Variants in DCAF8L2 observed in about 807,000 individuals in gnomAD.
DCAF8L2 encodes DDB1- and CUL4-associated factor 8-like protein 2.
For missense variants in DCAF8L2, 430 were observed against 490.7 expected (o/e 0.88, Z 1.17); for synonymous variants, 200 against 190.9 (o/e 1.05, Z -0.39).
intron 3 of DCAF8L2, among the ~76,000 whole-genome samples, chrX:27,699,341 A>T (rs977700311): frequency 3.6e-5 from 4 of 112,091 alleles, no homozygotes; most frequent in African/African-American, 1.3e-4. Flanking sequence ...TTCGAAGTAT[A>T]ACAGTGATAT....
the DCAF8L2 span, among the ~76,000 whole-genome samples, chrX:27,531,783 T>C: frequency 9.0e-6 from 1 of 111,036 alleles, no homozygotes; most frequent in African/African-American, 3.3e-5. Context: ...ATAAAAAGTG[T>C]ACAAGCCATA....
At chrX:27,520,362 G>T in the DCAF8L2 span, among the ~76,000 whole-genome samples, 3 of 111,483 alleles carry the variant, frequency 2.7e-5, no homozygotes, top group African/African-American at 9.8e-5. Context: ...AGAGCTAAAT[G>T]ATTTCTGTCA....
At chrX:27,476,223 A>G in the DCAF8L2 span, among the ~76,000 whole-genome samples, 2 of 110,370 alleles carry the variant, frequency 1.8e-5, no homozygotes, top group South Asian at 4.0e-4. Flanking sequence ...GCAGTATCCT[A>G]TGGGCACTGT....
intron 1 of DCAF8L2, among the ~76,000 whole-genome samples, chrX:27,598,305 G>A (rs1926452881): frequency 8.9e-6 from 1 of 112,160 alleles, no homozygotes; most frequent in Non-Finnish European, 1.9e-5. Context: ...TATAATGGTC[G>A]AAAAATTTAT....
intron 3 of DCAF8L2, among the ~76,000 whole-genome samples, chrX:27,681,980 T>C (rs1243148050): frequency 8.9e-6 from 1 of 111,894 alleles, no homozygotes; most frequent in Non-Finnish European, 1.9e-5. Flanking sequence ...TTGTTGTTTT[T>C]TGAGACAAGG....
chrX:27,490,346 TAATTC>T, the DCAF8L2 span, among the ~76,000 whole-genome samples: 2 of 112,466 alleles, frequency 1.8e-5, no homozygotes, highest in Non-Finnish European at 3.7e-5. Flanking sequence ...TTAAGAAAAA[TAATTC>T]AATGGATGTA....
chrX:27,485,769 C>T, the DCAF8L2 span, among the ~76,000 whole-genome samples: 2 of 110,389 alleles, frequency 1.8e-5, no homozygotes, highest in Non-Finnish European at 3.8e-5. Flanking sequence ...TAAGCATTAT[C>T]TCATATTTTA....
chrX:27,584,786 C>T, the DCAF8L2 span, among the ~76,000 whole-genome samples: 4 of 111,705 alleles, frequency 3.6e-5, no homozygotes, highest in African/African-American at 9.8e-5. Context: ...AAAATGGTAT[C>T]GTTCTATAAT....
the DCAF8L2 span, among the ~76,000 whole-genome samples, chrX:27,579,980 C>T: frequency 3.7e-5 from 4 of 108,984 alleles, no homozygotes; most frequent in Non-Finnish European, 7.6e-5. Flanking sequence ...TTGTAAGTAT[C>T]ATTTTAAATG....
chrX:27,609,729 C>G (rs1221580166), intron 1 of DCAF8L2, among the ~76,000 whole-genome samples: 1 of 111,245 alleles, frequency 9.0e-6, no homozygotes, highest in Non-Finnish European at 1.9e-5. Context: ...TAATAAGAAA[C>G]CAAAATACTG....
At chrX:27,710,349 G>T (rs920802747) in intron 3 of DCAF8L2, among the ~76,000 whole-genome samples, 3 of 111,250 alleles carry the variant, frequency 2.7e-5, no homozygotes, top group African/African-American at 9.8e-5. Flanking sequence ...ATTTTGGTTG[G>T]TTTTGTGTTG....
At chrX:27,471,420 T>C in the DCAF8L2 span, among the ~76,000 whole-genome samples, 1 of 111,451 alleles carries the variant, frequency 9.0e-6, no homozygotes, top group East Asian at 2.8e-4. Context: ...CTACACTCTT[T>C]AGCATTCTAC....
intron 4 of DCAF8L2, among the ~76,000 whole-genome samples, chrX:27,718,303 A>G (rs749407432): frequency 1.8e-5 from 2 of 112,139 alleles, no homozygotes; most frequent in South Asian, 3.7e-4. Flanking sequence ...ATTTTCTAAC[A>G]TAGCATCATG....
At chrX:27,538,625 C>A in the DCAF8L2 span, among the ~76,000 whole-genome samples, 3 of 110,430 alleles carry the variant, frequency 2.7e-5, no homozygotes, top group Non-Finnish European at 5.7e-5. Flanking sequence ...AACTCCTGAC[C>A]TCGTGATCCG....
At chrX:27,591,854 T>C (rs1016555524) in intron 1 of DCAF8L2, among the ~76,000 whole-genome samples, 1 of 111,885 alleles carries the variant, frequency 8.9e-6, no homozygotes, top group African/African-American at 3.2e-5. Flanking sequence ...ATAGTTTAAG[T>C]GGGAAGAAAA....
the DCAF8L2 span, among the ~76,000 whole-genome samples, chrX:27,526,242 T>C: frequency 2.4e-4 from 27 of 112,070 alleles, no homozygotes. Flanking sequence ...TTCTTTTTTC[T>C]CTAAACTTCT....
chrX:27,514,357 A>C, the DCAF8L2 span, among the ~76,000 whole-genome samples: 2 of 110,187 alleles, frequency 1.8e-5, no homozygotes, highest in South Asian at 7.7e-4. Context: ...ACACAATGGA[A>C]TACTACTCAG....
intron 1 of DCAF8L2, among the ~76,000 whole-genome samples, chrX:27,595,958 A>C (rs1351804194): frequency 2.7e-5 from 3 of 112,031 alleles, no homozygotes; most frequent in African/African-American, 9.7e-5. Flanking sequence ...GAACCCAGGA[A>C]GCAGAGGTTG....
At position 27,746,939 on chromosome X, in the gene DCAF8L2, G is replaced by C. The variant is rs192806500; in HGVS notation, c.44G>C (p.Gly15Ala). Residue 15 changes from glycine (G) to alanine (A), a missense_variant, in exon 5 of 5, where the codon GGG becomes GCG. By Grantham distance (60) the Gly-to-Ala change is moderately conservative. Coordinates refer to ENST00000451261, the MANE Select transcript of DCAF8L2 (RefSeq NM_001353450.2). The part of the protein sequence containing the change: ...EGSTDGLPDL[G>A]TESLFSSPEE... Reference sequence around the variant, plus strand: ...AGCACAGACGGCTTACCAGACTTAGGGACTGAAAGCCTGTTCAGCAGCCCA... The same window carrying C: ...AGCACAGACGGCTTACCAGACTTAGCGACTGAAAGCCTGTTCAGCAGCCCA... The C allele has an allele frequency of 2.3e-4, 274 of 1,203,596 alleles. 1 individual carries two copies. The East Asian group carries it at 5.9e-3, about 26-fold the overall frequency.
Sources: gnomAD v4.1 joint callset for allele counts (sites outside exome capture counted in the v4.1 genomes callset) on GRCh38, gnomAD v4.1.1 for gene constraint, MANE v1.5 for transcripts, NCBI Gene and HGNC (gene_info 2026-07-23, HGNC 2026-07-21) for gene names.